Variants in DMTF1 observed in about 807,000 individuals in gnomAD.
DMTF1 encodes cyclin-D-binding Myb-like transcription factor 1.
In DMTF1, 39 loss-of-function variants were observed where a neutral mutation model predicts 91.1. That is an observed-to-expected ratio of 0.43 (90% confidence interval 0.33 to 0.56). DMTF1 has a LOEUF of 0.56. DMTF1 is among the 20% of genes least tolerant of loss of function. DMTF1 has a pLI of 0.05. For missense variants in DMTF1, 750 were observed against 914.5 expected (o/e 0.82, Z 2.32); for synonymous variants, 338 against 309.5 (o/e 1.09, Z -0.97).
intron 1 of DMTF1, chr7:87,155,703 A>C (rs1438778563): frequency 1.3e-5 from 2 of 152,156 alleles, no homozygotes; most frequent in Admixed American, 6.5e-5. Context: ...AGATAAGTTT[A>C]AATAAAAGGA....
intron 1 of DMTF1, among the ~76,000 whole-genome samples, chr7:87,156,209 T>G (rs543429365): frequency 6.6e-6 from 1 of 152,304 alleles, no homozygotes; most frequent in East Asian, 1.9e-4. Context: ...AATAACATTT[T>G]TGCTTTTTGA....
chr7:87,169,475 TC>T (rs1794605207), intron 4 of DMTF1, among the ~76,000 whole-genome samples: 1 of 152,120 alleles, frequency 6.6e-6, no homozygotes, highest in Non-Finnish European at 1.5e-5. Flanking sequence ...AATAAAAAGT[TC>T]CTTTAGCTCA....
intron 14 of DMTF1, among the ~76,000 whole-genome samples, chr7:87,191,458 GCA>G (rs1273667657): frequency 6.6e-6 from 1 of 152,124 alleles, no homozygotes; most frequent in East Asian, 1.9e-4. Context: ...AAGAGGTTAA[GCA>G]CAGTTACCAA....
At chr7:87,190,228 A>G (rs538370156) in intron 13 of DMTF1, among the ~76,000 whole-genome samples, 1 of 152,212 alleles carries the variant, frequency 6.6e-6, no homozygotes, top group Middle Eastern at 3.4e-3. Context: ...GTCTTCGGAA[A>G]TAATGCTCTC....
At chr7:87,154,888 A>G (rs1037965644) in intron 1 of DMTF1, among the ~76,000 whole-genome samples, 1 of 152,216 alleles carries the variant, frequency 6.6e-6, no homozygotes, top group African/African-American at 2.4e-5. Context: ...AAATAACAAC[A>G]AAAAACTTGC....
chr7:87,168,326 C>T (rs1794285274), intron 4 of DMTF1, among the ~76,000 whole-genome samples: 1 of 152,086 alleles, frequency 6.6e-6, no homozygotes. Flanking sequence ...GTACCTTAGC[C>T]TCTTATTCCT....
At chr7:87,166,968 T>C (rs539341152) in intron 4 of DMTF1, among the ~76,000 whole-genome samples, 5 of 152,332 alleles carry the variant, frequency 3.3e-5, no homozygotes, top group Admixed American at 3.3e-4. Context: ...ATAATAAAAT[T>C]GTTTGTCACA....
At chr7:87,191,076 C>G (rs770810398) in intron 14 of DMTF1, 49 bp downstream of exon 14, 3 of 1,189,106 alleles carry the variant, frequency 2.5e-6, no homozygotes, top group Non-Finnish European at 3.7e-6. Context: ...TGAGAAAGAT[C>G]AGTTGCTATC....
intron 1 of DMTF1, chr7:87,155,705 A>G (rs940834263): frequency 4.6e-5 from 7 of 152,176 alleles, no homozygotes; most frequent in Non-Finnish European, 1.0e-4. Context: ...ATAAGTTTAA[A>G]TAAAAGGAGG....
Position 87,184,592 on chromosome 7 carries a change from G to A in DMTF1, c.1016G>A (p.Trp339Ter), listed in dbSNP as rs1798014406. The change falls in exon 11 of 18, where the codon TGG becomes TAG. Residue 339 changes from tryptophan to a stop codon, truncating the protein, a stop_gained. Coordinates refer to ENST00000331242, the MANE Select transcript of DMTF1 (RefSeq NM_001142327.2). LOFTEE classifies it high-confidence loss of function. Reference protein sequence around the residue: ...LNWKQSGGTEWTKEDEINLIL... With the variant: ...LNWKQSGGTE Reference sequence around the variant, plus strand: ...TGGAAACAGAGTGGGGGTACTGAATGGACCAAGGAAGATGAAATCAATCTC... The same window carrying A: ...TGGAAACAGAGTGGGGGTACTGAATAGACCAAGGAAGATGAAATCAATCTC... The A allele has an allele frequency of 6.2e-7, 1 of 1,613,770 alleles. No homozygotes were observed. Among genetic ancestry groups the A allele is most frequent in the Non-Finnish European group, 8.5e-7 (1 of 1,179,910 alleles).
intron 7 of DMTF1, 100 bp from the exon 8 acceptor site, chr7:87,179,445 C>T (rs1327282362): frequency 1.4e-5 from 13 of 937,700 alleles, no homozygotes; most frequent in Non-Finnish European, 1.8e-5. Flanking sequence ...TTTCTAAATG[C>T]CGTTGATGAC....
intron 7 of DMTF1, 128 bp from the exon 8 acceptor site, chr7:87,179,417 A>G: frequency 1.6e-6 from 1 of 634,716 alleles, no homozygotes; most frequent in East Asian, 3.5e-5. Flanking sequence ...TTTATTAATG[A>G]ATTAGTGATA....
chr7:87,179,858 T>C (rs1241238878), intron 8 of DMTF1, among the ~76,000 whole-genome samples, 156 bp downstream of exon 8: 1 of 152,210 alleles, frequency 6.6e-6, no homozygotes, highest in Non-Finnish European at 1.5e-5. Flanking sequence ...TGAAACCTTA[T>C]TATTAAAGCC....
chr7:87,191,095 G>T, intron 14 of DMTF1, 68 bp downstream of exon 14: 1 of 1,014,674 alleles, frequency 9.9e-7, no homozygotes, highest in South Asian at 1.5e-5. Context: ...TCACTTTTGT[G>T]TTTCATTTGC....
intron 8 of DMTF1, 42 bp from the exon 9 acceptor site, chr7:87,181,267 A>G (rs757760522): frequency 5.3e-6 from 5 of 947,696 alleles, no homozygotes; most frequent in Admixed American, 4.3e-5. Context: ...TTTAGCATTC[A>G]TTGTTTTAAT....
At chr7:87,190,517 ACATTTAAT>A (rs1356496357) in intron 13 of DMTF1, among the ~76,000 whole-genome samples, 1 of 152,068 alleles carries the variant, frequency 6.6e-6, no homozygotes, top group Non-Finnish European at 1.5e-5. Context: ...ACCGTTAGAA[ACATTTAAT>A]CATGTATACC....
intron 12 of DMTF1, chr7:87,187,412 G>A (rs1465807121): frequency 6.6e-6 from 1 of 152,362 alleles, no homozygotes. Context: ...GTGGGCATGT[G>A]CTTGTAGTCC....
In DMTF1 at chr7:87,193,715, T is replaced by C. The variant is rs1800477682; in HGVS notation, c.1651-10T>C. 1 of 1,574,184 alleles carries C rather than the reference T, an allele frequency of 6.4e-7. No homozygotes were observed. Among genetic ancestry groups the C allele is most frequent in the Non-Finnish European group, 8.6e-7 (1 of 1,161,442 alleles). ...TTTACAACTTTAACAGGTTCTTTAA[T>C]GTTTTATAGCCAGAACATTTGTTGA... is the stretch of plus-strand genomic sequence containing the variant. On this transcript the variant is annotated splice_polypyrimidine_tract_variant and intron_variant, in intron 15 of 17. Transcript: ENST00000331242.
chr7:87,162,357 G>T (rs1304206862), intron 1 of DMTF1, among the ~76,000 whole-genome samples: 1 of 152,122 alleles, frequency 6.6e-6, no homozygotes, highest in Non-Finnish European at 1.5e-5. Context: ...CACCACGCCT[G>T]GTGCAGTGTT....
Sources: allele counts gnomAD v4.1 joint callset (sites outside exome capture counted in the v4.1 genomes callset), GRCh38; gene constraint gnomAD v4.1.1; transcripts MANE v1.5; gene names NCBI Gene and HGNC (gene_info 2026-07-23, HGNC 2026-07-21).